The following PEDS1 variants were observed in gnomAD, a reference collection of about 807,000 sequenced individuals.
PEDS1 encodes the protein plasmanylethanolamine desaturase 1.
PEDS1 carries 14 observed loss-of-function variants against 35.2 expected under a neutral mutation model. The observed-to-expected ratio is 0.40, with a 90% CI of 0.26 to 0.62. The LOEUF is 0.62. Among genes scored for constraint, PEDS1 ranks in the 20% least tolerant of loss-of-function variants. The pLI, the probability that PEDS1 is intolerant of heterozygous loss-of-function variation, is 0.44. For missense variants in PEDS1, 260 were observed against 367.8 expected (o/e 0.71, Z 2.40); for synonymous variants, 152 against 152.0 (o/e 1.00, Z 0.00).
intron 1 of PEDS1, among the ~76,000 whole-genome samples, chr20:50,143,951 C>T (rs2081321699): frequency 6.6e-6 from 1 of 152,180 alleles, no homozygotes; most frequent in African/African-American, 2.4e-5. Flanking sequence ...CCCACCTTGG[C>T]CTCCCAAAGT....
Position 50,153,700 on chromosome 20 carries a change from C to A in PEDS1, c.-63G>T. ...GGCGGCGGCGGCAGGGCCGCGGAAC[C>A]GCGGCGAGATCACGCCGCCCAATGA... On this transcript the variant is annotated 5_prime_UTR_variant, in exon 1 of 6. Transcript: ENST00000371652. The A allele has an allele frequency of 1.7e-6, 2 of 1,175,754 alleles. No homozygotes were observed. Among genetic ancestry groups the A allele is most frequent in the Non-Finnish European group, 2.1e-6 (2 of 952,562 alleles). The allele number at this position is 1,175,754 out of a possible 1,614,324, so 72.8% of individuals were successfully genotyped here. A position where few individuals can be genotyped will look rare whatever the true frequency, so the allele number is the denominator to read the frequency against.
At chr20:50,135,964 T>C (rs1349459436) in intron 2 of PEDS1, among the ~76,000 whole-genome samples, 1 of 152,224 alleles carries the variant, frequency 6.6e-6, no homozygotes, top group African/African-American at 2.4e-5. Flanking sequence ...TTTATCCACC[T>C]GGCCATGGTT....
intron 2 of PEDS1, 166 bp from the exon 3 acceptor site, chr20:50,131,113 C>A: frequency 6.6e-7 from 1 of 1,510,782 alleles, no homozygotes; most frequent in South Asian, 1.2e-5. Context: ...AGGCTTAACA[C>A]TCCTCCTGCC....
chr20:50,137,508 T>C (rs148789213), intron 2 of PEDS1, among the ~76,000 whole-genome samples: 4 of 152,248 alleles, frequency 2.6e-5, no homozygotes, highest in African/African-American at 9.6e-5. Context: ...CCCAGTCTAA[T>C]CATGAGAAAA....
At chr20:50,150,553 G>A (rs1012071010) in intron 1 of PEDS1, among the ~76,000 whole-genome samples, 67 of 152,016 alleles carry the variant, frequency 4.4e-4, no homozygotes, top group African/African-American at 1.5e-3. Context: ...TCCCTAAAAT[G>A]TCATTCCTGT....
intron 1 of PEDS1, among the ~76,000 whole-genome samples, chr20:50,150,769 T>C (rs1304939494): frequency 6.6e-6 from 1 of 151,822 alleles, no homozygotes; most frequent in Non-Finnish European, 1.5e-5. Context: ...ATTGGCTCAC[T>C]GCAACAACCT....
At chr20:50,130,779 A>C in intron 3 of PEDS1, 77 bp downstream of exon 3, 1 of 1,558,558 alleles carries the variant, frequency 6.4e-7, no homozygotes, top group Non-Finnish European at 8.8e-7. Flanking sequence ...AAACAGTCTT[A>C]GAGAAGAAAG....
chr20:50,146,363 T>C (rs2081345707), intron 1 of PEDS1, among the ~76,000 whole-genome samples: 1 of 152,162 alleles, frequency 6.6e-6, no homozygotes, highest in Admixed American at 6.5e-5. Flanking sequence ...TGTCTTTCCC[T>C]ACCTAAATGT....
At chr20:50,147,483 C>T (rs1278308741) in intron 1 of PEDS1, among the ~76,000 whole-genome samples, 1 of 152,178 alleles carries the variant, frequency 6.6e-6, no homozygotes, top group Non-Finnish European at 1.5e-5. Flanking sequence ...GTCTCTCATT[C>T]AAGTATCAGC....
intron 2 of PEDS1, among the ~76,000 whole-genome samples, chr20:50,137,613 C>T (rs557332651): frequency 1.3e-5 from 2 of 152,308 alleles, no homozygotes; most frequent in South Asian, 4.1e-4. Context: ...TGGCTCACTC[C>T]TATAATCCCA....
Position 50,153,719 on chromosome 20 carries a change from C to T in PEDS1, c.-82G>A, listed in dbSNP as rs1323025322. ...CGGAACCGCGGCGAGATCACGCCGC[C>T]CAATGACCGCCCAGCGCCGGGCGCG... is the stretch of plus-strand genomic sequence containing the variant. On this transcript the variant is annotated 5_prime_UTR_variant, in exon 1 of 6. Transcript: ENST00000371652. The T allele has an allele frequency of 1.1e-5, 12 of 1,119,350 alleles. No individual in the cohort carries two copies. Among genetic ancestry groups the T allele is most frequent in the Non-Finnish European group, 1.3e-5 (12 of 917,264 alleles). The allele number at this position is 1,119,350 out of a possible 1,614,324, so 69.3% of individuals were successfully genotyped here. A position where few individuals can be genotyped will look rare whatever the true frequency, so the allele number is the denominator to read the frequency against.
chr20:50,143,436 CA>C, intron 2 of PEDS1, 65 bp downstream of exon 2: 1 of 1,557,092 alleles, frequency 6.4e-7, no homozygotes, highest in East Asian at 2.4e-5. Flanking sequence ...ACACACGCGC[CA>C]GTTACCCGGT....
At chr20:50,141,559 A>C (rs1434617789) in intron 2 of PEDS1, among the ~76,000 whole-genome samples, 1 of 152,224 alleles carries the variant, frequency 6.6e-6, no homozygotes, top group Non-Finnish European at 1.5e-5. Context: ...TGAGGCTGAG[A>C]GATGCAATGT....
At chr20:50,138,477 A>G (rs111227301) in intron 2 of PEDS1, among the ~76,000 whole-genome samples, 12 of 152,194 alleles carry the variant, frequency 7.9e-5, no homozygotes, top group Non-Finnish European at 1.0e-4. Flanking sequence ...GGGTCCCACG[A>G]CACAGCAAGC....
At chr20:50,135,889 C>A (rs144921899) in intron 2 of PEDS1, among the ~76,000 whole-genome samples, 1 of 152,086 alleles carries the variant, frequency 6.6e-6, no homozygotes, top group Non-Finnish European at 1.5e-5. Flanking sequence ...TGCAGTCGTG[C>A]GGATCAGCAG....
chr20:50,139,427 G>A (rs945034110), intron 2 of PEDS1, among the ~76,000 whole-genome samples: 2 of 151,770 alleles, frequency 1.3e-5, no homozygotes, highest in Non-Finnish European at 2.9e-5. Flanking sequence ...TGGTCCACTC[G>A]GTGGCTGTTC....
At chr20:50,132,166 G>A (rs1413193874) in intron 2 of PEDS1, among the ~76,000 whole-genome samples, 1 of 152,098 alleles carries the variant, frequency 6.6e-6, no homozygotes, top group African/African-American at 2.4e-5. Flanking sequence ...ATCATGCACT[G>A]CACTCCTGCC....
At position 50,152,042 on chromosome 20, in the gene PEDS1, A is replaced by G. The variant is rs191940585; in HGVS notation, c.121+1475T>C. Among the ~76,000 whole-genome samples the G allele has an allele frequency of 9.7e-4, 147 of 152,302 alleles. 1 individual carries two copies. Among genetic ancestry groups the G allele is most frequent in the African/African-American group, 3.4e-3 (140 of 41,556 alleles). The stretch of plus-strand genomic sequence containing the variant: ...GAAAGTGGCTTGGACCAGGTCATAC[A>G]GCTGAATAACAGAGTCAGGATGTTA... On this transcript the variant is annotated intron_variant, in intron 1 of 5. Coordinates refer to ENST00000371652, the MANE Select transcript of PEDS1 (RefSeq NM_199129.4).
At chr20:50,135,879 T>C (rs934337871) in intron 2 of PEDS1, among the ~76,000 whole-genome samples, 1 of 152,182 alleles carries the variant, frequency 6.6e-6, no homozygotes, top group East Asian at 1.9e-4. Context: ...GCGTGGGCCA[T>C]GCAGTCGTGC....
Sources: gnomAD v4.1 joint callset for allele counts (sites outside exome capture counted in the v4.1 genomes callset) on GRCh38, gnomAD v4.1.1 for gene constraint, MANE v1.5 for transcripts, NCBI Gene and HGNC (gene_info 2026-07-23, HGNC 2026-07-21) for gene names.